AUTS2: variants seen among roughly 807,000 people sequenced by gnomAD.
AUTS2 encodes the protein activator of transcription and developmental regulator AUTS2, also known as autism susceptibility gene 2 protein.
In AUTS2, 17 loss-of-function variants were observed where a neutral mutation model predicts 112.4. The observed-to-expected ratio is 0.15, with a 90% CI of 0.10 to 0.23. The LOEUF (loss-of-function observed/expected upper bound fraction) is 0.23, where lower values mean the gene tolerates loss of function less well. Ranked by LOEUF, AUTS2 falls within the 10% of genes least tolerant of loss-of-function variation. AUTS2 has a pLI of 1.00. For synonymous variants in AUTS2, 751 were observed against 702.7 expected, an observed-to-expected ratio of 1.07 and a Z score of -1.09; for missense variants, 1,510 against 1,701.6, an observed-to-expected ratio of 0.89 and a Z score of 1.98.
intron 5 of AUTS2, among the ~76,000 whole-genome samples, chr7:70,500,554 C>T (rs1422275463): frequency 6.6e-6 from 1 of 152,174 alleles, no homozygotes; most frequent in Non-Finnish European, 1.5e-5. Flanking sequence ...TTCCGCTTCT[C>T]CATTCAGGGG....
chr7:69,823,273 T>C (rs1196569939), intron 1 of AUTS2, among the ~76,000 whole-genome samples: 1 of 152,220 alleles, frequency 6.6e-6, no homozygotes, highest in Non-Finnish European at 1.5e-5. Context: ...AGCTACAGTG[T>C]TGGTTATTAC....
intron 4 of AUTS2, among the ~76,000 whole-genome samples, chr7:70,316,302 A>G (rs1217848885): frequency 4.6e-5 from 7 of 152,042 alleles, no homozygotes; most frequent in Admixed American, 3.3e-4. Flanking sequence ...GCTGGCATCA[A>G]TGGGCTGTCT....
intron 1 of AUTS2, among the ~76,000 whole-genome samples, chr7:69,640,196 ACTTTACTGTGATC>A (rs1794740703): frequency 1.3e-4 from 3 of 23,526 alleles, no homozygotes; most frequent in South Asian, 2.7e-3. Context: ...ATGTCTGCAG[ACTTTACTGTGATC>A]AGGCTGCTAG....
intron 1 of AUTS2, among the ~76,000 whole-genome samples, chr7:69,817,185 T>G (rs1407776109): frequency 6.6e-6 from 1 of 152,212 alleles, no homozygotes; most frequent in East Asian, 1.9e-4. Context: ...GATGCAAATA[T>G]GAAAATAGAA....
chr7:69,789,042 G>T (rs1284444099), intron 1 of AUTS2, among the ~76,000 whole-genome samples: 2 of 152,084 alleles, frequency 1.3e-5, no homozygotes, highest in East Asian at 1.9e-4. Flanking sequence ...TTTAGGCAAG[G>T]AGTATTAAAG....
intron 2 of AUTS2, among the ~76,000 whole-genome samples, chr7:69,960,409 A>G (rs1195327200): frequency 6.6e-6 from 1 of 152,188 alleles, no homozygotes; most frequent in Non-Finnish European, 1.5e-5. Flanking sequence ...GCAAGCTAGT[A>G]GTCAATGAAT....
chr7:70,724,438 C>T lies in AUTS2; in HGVS notation c.742+25818C>T, dbSNP rs1033915722. Among the ~76,000 whole-genome samples, 47 of 119,920 alleles carry T rather than the reference C, an allele frequency of 3.9e-4. 1 individual carries two copies. Among genetic ancestry groups the T allele is most frequent in the Admixed American group, 2.0e-3 (21 of 10,374 alleles). 78.7% of individuals were successfully genotyped at this position (119,920 alleles called of 152,430 possible). Reference sequence around the variant, plus strand: ...TTTGGAAGAATGATTTTATTTTCATCCTGACTTTTTTTTTTTTTTTTTTTT... The same window carrying T: ...TTTGGAAGAATGATTTTATTTTCATTCTGACTTTTTTTTTTTTTTTTTTTT... On this transcript the variant is annotated intron_variant, in intron 6 of 18. Transcript: ENST00000342771.
chr7:70,547,678 A>G (rs1800845107), intron 5 of AUTS2, among the ~76,000 whole-genome samples: 1 of 152,178 alleles, frequency 6.6e-6, no homozygotes, highest in African/African-American at 2.4e-5. Flanking sequence ...TTGTATGGAT[A>G]TACCACGTTT....
chr7:70,256,856 C>A (rs184561741), intron 4 of AUTS2, among the ~76,000 whole-genome samples: 77 of 152,286 alleles, frequency 5.1e-4, no homozygotes, highest in African/African-American at 1.7e-3. Context: ...CCCACCTCAG[C>A]TCTCAGTCTG....
chr7:69,879,124 G>C (rs1584382002), intron 1 of AUTS2, among the ~76,000 whole-genome samples: 1 of 9,358 alleles, frequency 1.1e-4, no homozygotes. Context: ...GACTTTCTGT[G>C]TGTGTGTGTG....
rs566718019 is a variant in AUTS2, at chr7:70,350,657, T to C, written c.661-85095T>C. 4.6e-5 allele frequency among the ~76,000 whole-genome samples: 7 copies of C among 152,294 alleles called. No homozygotes were observed. The East Asian group carries it at 1.3e-3, about 29-fold the overall frequency. On this transcript the variant is annotated intron_variant, in intron 4 of 18. Transcript: ENST00000342771. ...GGGAGCTACAATTCAAGATGAGATT[T>C]GGGTGGGGACACAGCCAAACCATAT... is the stretch of plus-strand genomic sequence containing the variant.
chr7:70,303,543 C>T (rs1233496595), intron 4 of AUTS2, among the ~76,000 whole-genome samples: 2 of 152,126 alleles, frequency 1.3e-5, no homozygotes, highest in Non-Finnish European at 2.9e-5. Context: ...TTTGGCCACA[C>T]TCTGCTCTTG....
At chr7:70,645,383 G>A (rs1024750278) in intron 5 of AUTS2, among the ~76,000 whole-genome samples, 7 of 151,968 alleles carry the variant, frequency 4.6e-5, no homozygotes, top group African/African-American at 1.5e-4. Context: ...GAAGTGTCAC[G>A]GTGGGGCAGA....
At chr7:69,930,075 C>G (rs2129543806) in intron 2 of AUTS2, among the ~76,000 whole-genome samples, 1 of 152,300 alleles carries the variant, frequency 6.6e-6, no homozygotes, top group Non-Finnish European at 1.5e-5. Context: ...GGTTATTCCT[C>G]ATTACTTTTG....
intron 1 of AUTS2, chr7:69,643,231 T>C (rs927323108): frequency 6.6e-6 from 1 of 152,228 alleles, no homozygotes; most frequent in Non-Finnish European, 1.5e-5. Flanking sequence ...CTGCAGTCTT[T>C]TGGAATGTAA....
At chr7:70,044,378 A>G (rs1801407085) in intron 2 of AUTS2, among the ~76,000 whole-genome samples, 1 of 152,128 alleles carries the variant, frequency 6.6e-6, no homozygotes, top group African/African-American at 2.4e-5. Flanking sequence ...TTTTCCCTGG[A>G]AATTTTCTAG....
At chr7:69,811,695 A>G (rs1205000033) in intron 1 of AUTS2, among the ~76,000 whole-genome samples, 1 of 152,070 alleles carries the variant, frequency 6.6e-6, no homozygotes, top group African/African-American at 2.4e-5. Flanking sequence ...GTTTCCATCA[A>G]GCTTTTCCGC....
At chr7:69,862,705 T>TG (rs1793043451) in intron 1 of AUTS2, among the ~76,000 whole-genome samples, 1 of 152,138 alleles carries the variant, frequency 6.6e-6, no homozygotes, top group East Asian at 1.9e-4. Context: ...CTTGGGGAGA[T>TG]GGGCTGGTAG....
intron 2 of AUTS2, among the ~76,000 whole-genome samples, chr7:70,107,335 C>CTTTT (rs35066322): frequency 6.9e-4 from 67 of 96,938 alleles, no homozygotes; most frequent in East Asian, 9.4e-4. Flanking sequence ...AGATGAGAAG[C>CTTTT]TTTTTTTTTT....
Sources: allele counts gnomAD v4.1 joint callset (sites outside exome capture counted in the v4.1 genomes callset), GRCh38; gene constraint gnomAD v4.1.1; transcripts MANE v1.5; gene names NCBI Gene and HGNC (gene_info 2026-07-23, HGNC 2026-07-21).